Variants in NCKAP1 observed in about 807,000 individuals in gnomAD.
The protein encoded by NCKAP1 is NCK associated protein 1, also known as nck-associated protein 1.
In NCKAP1, 21 loss-of-function variants were observed where a neutral mutation model predicts 151.2. That is an observed-to-expected ratio of 0.14 (90% CI 0.10 to 0.20). NCKAP1 has a LOEUF of 0.20. Ranked by LOEUF, NCKAP1 falls within the 10% of genes least tolerant of loss-of-function variation. The probability of loss-of-function intolerance (pLI) is 1.00; values close to 1 mark genes in which losing one functional copy is unlikely to be tolerated. For synonymous variants in NCKAP1, 484 were observed against 451.8 expected (o/e 1.07, Z -0.90); for missense variants, 933 against 1,352.1 (o/e 0.69, Z 4.86).
chr2:183,005,847 C>T (rs1363735034), intron 2 of NCKAP1, among the ~76,000 whole-genome samples: 1 of 152,162 alleles, frequency 6.6e-6, no homozygotes, highest in African/African-American at 2.4e-5. Context: ...AGAATCCCAC[C>T]ATTTAAACAT....
chr2:182,970,794 G>T (rs981007151), intron 15 of NCKAP1, among the ~76,000 whole-genome samples: 2 of 152,044 alleles, frequency 1.3e-5, no homozygotes, highest in African/African-American at 4.8e-5. Flanking sequence ...TAAATAAAAG[G>T]CATGCAAACT....
At chr2:183,027,666 G>A (rs528421814) in intron 1 of NCKAP1, among the ~76,000 whole-genome samples, 1 of 152,036 alleles carries the variant, frequency 6.6e-6, no homozygotes, top group African/African-American at 2.4e-5. Context: ...ACCGGCCTGG[G>A]CAACATAGCA....
chr2:182,998,836 A>C (rs1379987383), intron 6 of NCKAP1, among the ~76,000 whole-genome samples: 24 of 121,838 alleles, frequency 2.0e-4, no homozygotes, highest in African/African-American at 6.7e-4. Context: ...GACTCCAACA[A>C]AAAAAAAAAA....
chr2:182,986,149 C>T (rs41270217), intron 10 of NCKAP1, 22 bp downstream of exon 10: 111,288 of 1,606,548 alleles, frequency 0.069, 4,528 homozygotes, highest in Non-Finnish European at 0.079. Context: ...AAAGCTACCA[C>T]GGATAAAATA....
intron 24 of NCKAP1, among the ~76,000 whole-genome samples, chr2:182,940,229 GA>G (rs1348905683): frequency 3.3e-5 from 5 of 151,590 alleles, no homozygotes; most frequent in Non-Finnish European, 5.9e-5. Flanking sequence ...GAGAAAACAT[GA>G]AAAAAACAAA....
In NCKAP1 at chr2:183,037,007, G is replaced by A. The variant is rs1193177044; in HGVS notation, c.108+985C>T. On this transcript the variant is annotated intron_variant, in intron 1 of 30. Transcript: ENST00000361354. The stretch of plus-strand genomic sequence containing the variant: ...TATCTCTTTTTCTCTTTATCAAATT[G>A]TTTAAAACTTACCAACCTTGCCTTA... Among the ~76,000 whole-genome samples the A allele has an allele frequency of 1.5e-4, 23 of 152,086 alleles. 1 individual carries two copies.
Position 182,922,414 on chromosome 2 carries a change from A to G in NCKAP1, c.*3288T>C, listed in dbSNP as rs6706591. On this transcript the variant is annotated 3_prime_UTR_variant, in exon 31 of 31. Coordinates refer to ENST00000361354, the MANE Select transcript of NCKAP1 (RefSeq NM_013436.5). ...AGCAAAGAAGAAAGCAAGCAAGCAC[A>G]TGATCAGAAGAGAAAAAGAGCTAGA... 0.89 allele frequency: 134,734 copies of G among 152,198 alleles called. 60,960 individuals are homozygous for G. The highest frequency in any genetic ancestry group is 0.99 in the East Asian group (5,148 of 5,180). 9.4% of individuals were successfully genotyped at this position (152,198 alleles called of 1,614,324 possible). A position where few individuals can be genotyped will look rare whatever the true frequency, so the allele number is the denominator to read the frequency against.
chr2:182,971,251 G>A (rs1222307612), intron 15 of NCKAP1, among the ~76,000 whole-genome samples: 11 of 151,052 alleles, frequency 7.3e-5, no homozygotes, highest in South Asian at 6.3e-4. Context: ...AAAATTAGCC[G>A]GGCGTAGTGG....
chr2:182,989,743 T>C (rs557789533), intron 8 of NCKAP1, among the ~76,000 whole-genome samples: 2 of 151,762 alleles, frequency 1.3e-5, no homozygotes, highest in Non-Finnish European at 2.9e-5. Flanking sequence ...TGCTCATGCC[T>C]GTAATCCCAG....
At chr2:183,004,799 G>A (rs1036739191) in intron 2 of NCKAP1, among the ~76,000 whole-genome samples, 5 of 150,868 alleles carry the variant, frequency 3.3e-5, no homozygotes, top group African/African-American at 1.2e-4. Flanking sequence ...CAGGAGAATC[G>A]CTTGAACTAG....
In NCKAP1 at chr2:182,956,598, A is replaced by C. The variant is rs1161993693; in HGVS notation, c.2022-5T>G. The C allele has an allele frequency of 6.3e-7, 1 of 1,595,882 alleles. No homozygotes were observed. Among genetic ancestry groups the C allele is most frequent in the East Asian group, 2.2e-5 (1 of 44,546 alleles). On this transcript the variant is annotated splice_region_variant and splice_polypyrimidine_tract_variant and intron_variant, in intron 19 of 30. Coordinates refer to ENST00000361354, the MANE Select transcript of NCKAP1 (RefSeq NM_013436.5). ...GCAGTGTGCAATTTATCAAGGCTGA[A>C]AAAAATTAATAAACAGTTAAAATGT...
chr2:182,954,981 T>C (rs1559080641), intron 20 of NCKAP1, among the ~76,000 whole-genome samples: 1 of 151,668 alleles, frequency 6.6e-6, no homozygotes, highest in Non-Finnish European at 1.5e-5. Context: ...CACCCACCAA[T>C]GTCCCACCTC....
intron 8 of NCKAP1, among the ~76,000 whole-genome samples, chr2:182,990,960 ACAAT>A (rs1698156927): frequency 6.6e-6 from 1 of 152,326 alleles, no homozygotes; most frequent in East Asian, 1.9e-4. Context: ...AATCTGGCAC[ACAAT>A]CAAAGAAACA....
intron 17 of NCKAP1, 150 bp downstream of exon 17, chr2:182,964,526 A>G (rs921536709): frequency 2.2e-6 from 1 of 463,590 alleles, no homozygotes; most frequent in Non-Finnish European, 3.7e-6. Context: ...AAACCTATGT[A>G]TCTGTTCAAG....
In NCKAP1 at chr2:182,916,529, A is replaced by G. The variant is rs1559065176; in HGVS notation, c.*9173T>C. ...ATTATGATTCAATATGTACTATAATAAAGGCATTTATAAGGTTTAGAAGAA... is the reference window on the plus strand; with the variant it reads ...ATTATGATTCAATATGTACTATAATGAAGGCATTTATAAGGTTTAGAAGAA... On this transcript the variant is annotated 3_prime_UTR_variant, in exon 31 of 31. Transcript: ENST00000361354. The G allele has an allele frequency of 1.3e-5, 2 of 152,212 alleles. No homozygotes were observed. Among genetic ancestry groups the G allele is most frequent in the Non-Finnish European group, 2.9e-5 (2 of 68,048 alleles). 9.4% of individuals were successfully genotyped at this position (152,212 alleles called of 1,614,324 possible).
intron 15 of NCKAP1, among the ~76,000 whole-genome samples, chr2:182,975,879 T>C (rs1697812297): frequency 6.6e-6 from 1 of 152,164 alleles, no homozygotes; most frequent in Non-Finnish European, 1.5e-5. Flanking sequence ...CACTCTAGCC[T>C]GGGTGACAGG....
At chr2:182,980,257 A>C (rs1002970048) in intron 13 of NCKAP1, among the ~76,000 whole-genome samples, 34 of 152,064 alleles carry the variant, frequency 2.2e-4, no homozygotes, top group African/African-American at 8.2e-4. Context: ...AAGAAGAAAT[A>C]AACTATAGAG....
intron 15 of NCKAP1, among the ~76,000 whole-genome samples, chr2:182,970,703 A>G (rs1697669172): frequency 2.0e-5 from 3 of 152,246 alleles, no homozygotes; most frequent in Non-Finnish European, 4.4e-5. Flanking sequence ...GAGATTTGGA[A>G]CAATACAAGG....
chr2:182,973,547 A>C (rs1443498751), intron 15 of NCKAP1, among the ~76,000 whole-genome samples: 1 of 152,120 alleles, frequency 6.6e-6, no homozygotes, highest in Non-Finnish European at 1.5e-5. Flanking sequence ...TGACCTTAGA[A>C]CCAAACTAAA....
Sources: gnomAD v4.1 joint callset for allele counts (sites outside exome capture counted in the v4.1 genomes callset) on GRCh38, gnomAD v4.1.1 for gene constraint, MANE v1.5 for transcripts, NCBI Gene and HGNC (gene_info 2026-07-23, HGNC 2026-07-21) for gene names.